EPHA6: variants seen among roughly 807,000 people sequenced by gnomAD.
EPHA6 encodes ephrin type-A receptor 6.
A neutral mutation model predicts 112.0 loss-of-function variants in EPHA6; 50 were observed. That is an observed-to-expected ratio of 0.45 (90% CI 0.36 to 0.56). The LOEUF (loss-of-function observed/expected upper bound fraction) is 0.56, where lower values mean the gene tolerates loss of function less well. EPHA6 is among the 20% of genes least tolerant of loss of function. The pLI, the probability that EPHA6 is intolerant of heterozygous loss-of-function variation, is 0.00. For synonymous variants in EPHA6, 529 were observed against 490.7 expected (o/e 1.08, Z -1.03); for missense variants, 1,280 against 1,417.4 (o/e 0.90, Z 1.56).
chr3:97,451,707 T>C (rs939716582), intron 7 of EPHA6, among the ~76,000 whole-genome samples: 2 of 151,736 alleles, frequency 1.3e-5, no homozygotes, highest in Admixed American at 6.6e-5. Flanking sequence ...AGGTTTCCCA[T>C]AAATTCAAGG....
intron 2 of EPHA6, among the ~76,000 whole-genome samples, chr3:96,974,631 A>G (rs1052111106): frequency 6.6e-6 from 1 of 152,154 alleles, no homozygotes; most frequent in African/African-American, 2.4e-5. Context: ...AACTACATCT[A>G]TTCTTATGTC....
At chr3:97,190,339 G>C (rs991385411) in intron 3 of EPHA6, among the ~76,000 whole-genome samples, 16 of 152,016 alleles carry the variant, frequency 1.1e-4, no homozygotes, top group African/African-American at 3.9e-4. Context: ...TGGACAATTA[G>C]TGTCCCTTAG....
intron 3 of EPHA6, among the ~76,000 whole-genome samples, chr3:97,121,194 G>A (rs1015472083): frequency 4.6e-5 from 7 of 151,882 alleles, no homozygotes; most frequent in African/African-American, 7.2e-5. Flanking sequence ...TTTTGAGATC[G>A]GAATCCTTTA....
chr3:96,935,466 A>G (rs1290862101), intron 2 of EPHA6, among the ~76,000 whole-genome samples: 3 of 150,802 alleles, frequency 2.0e-5, no homozygotes, highest in Non-Finnish European at 4.4e-5. Context: ...TATTATAGGT[A>G]TTCTACATGG....
At chr3:96,968,179 G>T (rs536963676) in intron 2 of EPHA6, among the ~76,000 whole-genome samples, 15 of 151,648 alleles carry the variant, frequency 9.9e-5, no homozygotes, top group African/African-American at 3.6e-4. Flanking sequence ...ACTGTGTTAG[G>T]TATATGTTAG....
chr3:97,473,499 G>A (rs2091285021), intron 7 of EPHA6, among the ~76,000 whole-genome samples: 1 of 151,592 alleles, frequency 6.6e-6, no homozygotes, highest in Non-Finnish European at 1.5e-5. Context: ...ATCTCCCTCT[G>A]AATTTTGGAC....
At chr3:97,743,098 ATT>A (rs2035577003) in intron 16 of EPHA6, among the ~76,000 whole-genome samples, 1 of 152,084 alleles carries the variant, frequency 6.6e-6, no homozygotes, top group African/African-American at 2.4e-5. Context: ...CAGAATAAAC[ATT>A]TTCGCAATAC....
chr3:97,481,520 T>C, intron 9 of EPHA6: 1 of 926,302 alleles, frequency 1.1e-6, no homozygotes, highest in East Asian at 2.8e-5. Context: ...GGCGCGGGGC[T>C]AAGTGCAGGC....
chr3:97,589,048 A>T (rs555273546), intron 11 of EPHA6, among the ~76,000 whole-genome samples: 2 of 152,112 alleles, frequency 1.3e-5, no homozygotes, highest in South Asian at 4.1e-4. Context: ...AGCTTGTCCA[A>T]CCTGTGGCCT....
At chr3:97,710,049 G>A (rs534782704) in intron 14 of EPHA6, among the ~76,000 whole-genome samples, 1 of 152,328 alleles carries the variant, frequency 6.6e-6, no homozygotes, top group African/African-American at 2.4e-5. Flanking sequence ...TTCAGCGAAA[G>A]TCTACCTTTA....
intron 14 of EPHA6, among the ~76,000 whole-genome samples, chr3:97,709,264 C>T (rs2033844636): frequency 6.6e-6 from 1 of 152,094 alleles, no homozygotes; most frequent in Non-Finnish European, 1.5e-5. Context: ...GCCTTGGGAG[C>T]CCACTTCTTG....
chr3:97,547,367 C>T (rs1413008148), intron 11 of EPHA6, among the ~76,000 whole-genome samples: 2 of 152,204 alleles, frequency 1.3e-5, no homozygotes, highest in Admixed American at 6.5e-5. Flanking sequence ...GCAGCGGTGG[C>T]TACCGAACAG....
At chr3:96,820,796 T>C (rs987247712) in intron 1 of EPHA6, among the ~76,000 whole-genome samples, 11 of 152,010 alleles carry the variant, frequency 7.2e-5, no homozygotes, top group African/African-American at 2.7e-4. Flanking sequence ...ACTTTTTATA[T>C]GTAGTTATTT....
intron 5 of EPHA6, among the ~76,000 whole-genome samples, chr3:97,392,191 T>C (rs969604756): frequency 2.6e-5 from 4 of 151,908 alleles, no homozygotes; most frequent in Admixed American, 1.3e-4. Context: ...AGAATAAATA[T>C]TCAGAATATG....
chr3:97,093,010 C>T (rs1010333112), intron 3 of EPHA6, among the ~76,000 whole-genome samples: 12 of 151,978 alleles, frequency 7.9e-5, no homozygotes, highest in African/African-American at 2.9e-4. Context: ...AATAAGAGAA[C>T]CTGGAGAAGG....
intron 2 of EPHA6, among the ~76,000 whole-genome samples, chr3:96,978,076 C>G (rs1021529155): frequency 3.3e-5 from 5 of 152,284 alleles, no homozygotes; most frequent in Admixed American, 3.3e-4. Context: ...GGAAGGATTT[C>G]TTGAGCCTGG....
chr3:97,275,857 A>C (rs746212483), intron 5 of EPHA6, among the ~76,000 whole-genome samples: 3 of 152,000 alleles, frequency 2.0e-5, no homozygotes, highest in Non-Finnish European at 4.4e-5. Flanking sequence ...GAGGATGCAA[A>C]GGAGGCTTTG....
intron 6 of EPHA6, among the ~76,000 whole-genome samples, chr3:97,426,006 A>G (rs2107209512): frequency 6.6e-6 from 1 of 152,270 alleles, no homozygotes; most frequent in Admixed American, 6.5e-5. Flanking sequence ...TTTTGATCAA[A>G]GCCATTCAAC....
chr3:97,075,760 G>A lies in EPHA6; in HGVS notation c.1114+87767G>A, dbSNP rs1057037180. 6.0e-5 allele frequency among the ~76,000 whole-genome samples: 9 copies of A among 151,200 alleles called. No homozygotes were observed. In the South Asian group the frequency reaches 1.0e-3, roughly 18 times the overall value. On this transcript the variant is annotated intron_variant, in intron 3 of 17. Transcript: ENST00000389672. ...TGGCAATCTTGCATAGAGCCAGTGC[G>A]TTGGCTCAATTTTTCAATAGAATGT...
Sources: gnomAD v4.1 joint callset for allele counts (sites outside exome capture counted in the v4.1 genomes callset) on GRCh38, gnomAD v4.1.1 for gene constraint, MANE v1.5 for transcripts, NCBI Gene and HGNC (gene_info 2026-07-23, HGNC 2026-07-21) for gene names.